LRRIQ4: variants seen among roughly 807,000 people sequenced by gnomAD.
LRRIQ4 encodes the protein leucine rich repeats and IQ motif containing 4.
A neutral mutation model predicts 40.1 loss-of-function variants in LRRIQ4; 21 were observed. The ratio of observed to expected loss-of-function variants is 0.52; its 90% CI spans 0.37 to 0.75. LRRIQ4 has a LOEUF of 0.75. Among genes scored for constraint, LRRIQ4 ranks in the 30% least tolerant of loss-of-function variants. The probability of loss-of-function intolerance (pLI) is 0.00; values close to 1 mark genes in which losing one functional copy is unlikely to be tolerated. For synonymous variants in LRRIQ4, 277 were observed against 277.1 expected (o/e 1.00, Z 0.00); for missense variants, 655 against 660.0 (o/e 0.99, Z 0.08).
chr3:169,813,966 T>A (rs970562138), intron 1 of LRRIQ4, among the ~76,000 whole-genome samples: 121 of 152,256 alleles, frequency 7.9e-4, no homozygotes, highest in African/African-American at 2.7e-3. Context: ...GGTGAATGCT[T>A]ACAGCTGCTG....
In LRRIQ4 at chr3:169,822,011, T is replaced by A. The variant is rs553984737; in HGVS notation, c.90T>A (p.Ile30=). The A allele has an allele frequency of 1.9e-6, 3 of 1,578,328 alleles. No homozygotes were observed. Among genetic ancestry groups the A allele is most frequent in the East Asian group, 4.5e-5 (2 of 44,508 alleles). Residue 30 remains isoleucine, a synonymous_variant, in exon 2 of 6, where the codon ATT becomes ATA. Coordinates refer to ENST00000340806, the MANE Select transcript of LRRIQ4 (RefSeq NM_001080460.3). ...ACGTCAATGATAGAACATTTTTCAT[T>A]GATGCCTCTAATCAGAGCTTGACTG... ...PQHVNDRTFF[I]DASNQSLTAI... is the part of the protein sequence containing the mutation.
At chr3:169,830,409 A>AAAAAAAAAT in intron 3 of LRRIQ4, 83 bp from the exon 4 acceptor site, 1 of 508,544 alleles carries the variant, frequency 2.0e-6, no homozygotes. Flanking sequence ...AAAAAAAAAA[A>AAAAAAAAAT]TGCATGAGCA....
chr3:169,830,184 G>C (rs576590390), intron 3 of LRRIQ4, among the ~76,000 whole-genome samples: 1 of 151,954 alleles, frequency 6.6e-6, no homozygotes, highest in African/African-American at 2.4e-5. Flanking sequence ...GATAAATGTA[G>C]TTAAATTATT....
chr3:169,826,890 T>G (rs1271233694), intron 2 of LRRIQ4, among the ~76,000 whole-genome samples: 1 of 152,204 alleles, frequency 6.6e-6, no homozygotes, highest in Non-Finnish European at 1.5e-5. Flanking sequence ...TGTTACAGCA[T>G]TTTTAGGAAA....
At chr3:169,814,965 G>A (rs1779734268) in intron 1 of LRRIQ4, among the ~76,000 whole-genome samples, 1 of 152,130 alleles carries the variant, frequency 6.6e-6, no homozygotes, top group African/African-American at 2.4e-5. Context: ...ATTTATATCT[G>A]GGTTCTCTAT....
chr3:169,828,708 G>T (rs1780095940), intron 2 of LRRIQ4, 51 bp from the exon 3 acceptor site: 1 of 1,548,796 alleles, frequency 6.5e-7, no homozygotes, highest in East Asian at 2.2e-5. Context: ...ATTTATCTCT[G>T]CTGTTAAAAA....
At chr3:169,817,165 T>A (rs116199530) in intron 1 of LRRIQ4, among the ~76,000 whole-genome samples, 2,380 of 152,294 alleles carry the variant, frequency 0.016, 66 homozygotes, top group African/African-American at 0.054. Context: ...ATAAATTTTT[T>A]AATTTTCTTA....
intron 5 of LRRIQ4, among the ~76,000 whole-genome samples, chr3:169,834,112 A>G (rs1007517136): frequency 1.1e-4 from 17 of 152,256 alleles, no homozygotes; most frequent in Non-Finnish European, 4.4e-5. Flanking sequence ...CTGTAATCCC[A>G]GCACTTTGGG....
rs75301983 is a variant in LRRIQ4, at chr3:169,836,441, G to A, written c.1531-1038G>A. 7.1e-3 allele frequency among the ~76,000 whole-genome samples: 1,077 copies of A among 152,184 alleles called. 25 individuals carry two copies. In the East Asian group the frequency reaches 0.076, roughly 11 times the overall value. On this transcript the variant is annotated intron_variant, in intron 5 of 5. Transcript: ENST00000340806. ...GAGTCTGGTGAAGGCCCTCTTCCTG[G>A]CCTGTAGAAGCTGACTTCTCCCTGT...
At chr3:169,830,372 A>T (rs1780133993) in intron 3 of LRRIQ4, 120 bp from the exon 4 acceptor site, 3 of 583,924 alleles carry the variant, frequency 5.1e-6, no homozygotes, top group Non-Finnish European at 7.7e-6. Context: ...TTCCCCACTG[A>T]AAGTGAAAAA....
At chr3:169,820,523 G>A (rs1426098092) in intron 1 of LRRIQ4, among the ~76,000 whole-genome samples, 2 of 149,316 alleles carry the variant, frequency 1.3e-5, no homozygotes, top group Non-Finnish European at 3.0e-5. Flanking sequence ...CCAATTAGGG[G>A]AATATTGACA....
At chr3:169,835,364 C>CTGTGTGTGTGTGTG (rs149888477) in intron 5 of LRRIQ4, among the ~76,000 whole-genome samples, 1,885 of 146,462 alleles carry the variant, frequency 0.013, 28 homozygotes, top group South Asian at 0.03. Flanking sequence ...TTGTCTTTTT[C>CTGTGTGTGTGTGTG]TGTGTGTGTG....
intron 2 of LRRIQ4, among the ~76,000 whole-genome samples, chr3:169,826,894 T>C (rs1003156885): frequency 9.9e-5 from 15 of 152,236 alleles, no homozygotes; most frequent in African/African-American, 3.6e-4. Context: ...ACAGCATTTT[T>C]AGGAAAATGA....
chr3:169,827,474 G>A (rs1478831408), intron 2 of LRRIQ4, among the ~76,000 whole-genome samples: 1 of 151,998 alleles, frequency 6.6e-6, no homozygotes, highest in Non-Finnish European at 1.5e-5. Context: ...GGGCGTGGTG[G>A]TGGGCGCCTG....
intron 4 of LRRIQ4, among the ~76,000 whole-genome samples, chr3:169,832,631 CAAA>C (rs3047516): frequency 9.2e-4 from 62 of 67,354 alleles, no homozygotes; most frequent in African/African-American, 3.5e-3. Context: ...GACTCTGTCT[CAAA>C]AAAAAAAAAA....
chr3:169,833,355 C>A (rs1247127752), intron 5 of LRRIQ4, among the ~76,000 whole-genome samples, 172 bp downstream of exon 5: 1 of 152,162 alleles, frequency 6.6e-6, no homozygotes, highest in East Asian at 1.9e-4. Context: ...TTTTAAATGT[C>A]AGCCCTAGCA....
At chr3:169,819,969 A>G (rs966378966) in intron 1 of LRRIQ4, among the ~76,000 whole-genome samples, 1 of 152,216 alleles carries the variant, frequency 6.6e-6, no homozygotes, top group Non-Finnish European at 1.5e-5. Context: ...TCAGTGTTAA[A>G]TCTTTCCTTT....
chr3:169,822,237 A>G lies in LRRIQ4; in HGVS notation c.316A>G (p.Ile106Val), dbSNP rs1356184014. The change falls in exon 2 of 6, where the codon ATC (isoleucine) becomes GTC (valine). Residue 106 changes from isoleucine to valine, a missense_variant. Ile to Val is a conservative substitution (Grantham distance 29). Coordinates refer to ENST00000340806, the MANE Select transcript of LRRIQ4 (RefSeq NM_001080460.3). Reference sequence around the variant, plus strand: ...GAGCCTGGACCTGAGCTACAACCCCATCTTCTCCTCCTCCCTTGTCGTTGT... The same window carrying G: ...GAGCCTGGACCTGAGCTACAACCCCGTCTTCTCCTCCTCCCTTGTCGTTGT... ...LESLDLSYNPIFSSSLVVVSF... is the reference protein window; with the variant it reads ...LESLDLSYNPVFSSSLVVVSF... 1.2e-6 allele frequency: 2 copies of G among 1,605,768 alleles called. No individual in the cohort carries two copies. Among genetic ancestry groups the G allele is most frequent in the African/African-American group, 2.7e-5 (2 of 74,376 alleles).
chr3:169,830,426 G>C, intron 3 of LRRIQ4, 66 bp from the exon 4 acceptor site: 2 of 521,624 alleles, frequency 3.8e-6, no homozygotes, highest in African/African-American at 4.7e-5. Context: ...AGCACCCACA[G>C]GTGATTCTGG....
Sources: gnomAD v4.1 joint callset for allele counts (sites outside exome capture counted in the v4.1 genomes callset) on GRCh38, gnomAD v4.1.1 for gene constraint, MANE v1.5 for transcripts, NCBI Gene and HGNC (gene_info 2026-07-23, HGNC 2026-07-21) for gene names.